TM9SF4: variants seen among roughly 807,000 people sequenced by gnomAD.
TM9SF4 encodes dinucleotide oxidase disulfide thiol exchanger 3 superfamily member 4.
A neutral mutation model predicts 90.4 loss-of-function variants in TM9SF4; 26 were observed. The ratio of observed to expected loss-of-function variants is 0.29; its 90% CI spans 0.21 to 0.40. TM9SF4 has a LOEUF of 0.40. Ranked by LOEUF, TM9SF4 falls within the 10% of genes least tolerant of loss-of-function variation. TM9SF4 has a pLI of 1.00. For missense variants in TM9SF4, 549 were observed against 834.8 expected (o/e 0.66, Z 4.22); for synonymous variants, 293 against 315.4 (o/e 0.93, Z 0.75).
chr20:32,146,678 C>T (rs1385648696), intron 8 of TM9SF4, 107 bp from the exon 9 acceptor site: 22 of 1,077,408 alleles, frequency 2.0e-5, no homozygotes, highest in African/African-American at 9.4e-5. Flanking sequence ...TGGAGCAAGC[C>T]GTGCATGCCA....
At chr20:32,129,248 T>C (rs2046473909) in intron 1 of TM9SF4, among the ~76,000 whole-genome samples, 1 of 152,130 alleles carries the variant, frequency 6.6e-6, no homozygotes, top group Non-Finnish European at 1.5e-5. Flanking sequence ...ATCTCAGCAC[T>C]TTGGGAGGCT....
rs1431402719 is a variant in TM9SF4 at position 32,155,190 on chromosome 20, A to G, written c.1329+4A>G. The G allele has an allele frequency of 6.2e-7, 1 of 1,613,418 alleles. No individual in the cohort carries two copies. Among genetic ancestry groups the G allele is most frequent in the Admixed American group, 1.7e-5 (1 of 60,022 alleles). ...GGGAAAGCACTCATCAGGAGCGGTA[A>G]GTGCCTCCCCTACCCTTCCAGCCCC... On this transcript the variant is annotated splice_donor_region_variant and intron_variant, in intron 13 of 17. Transcript: ENST00000398022.
intron 14 of TM9SF4, among the ~76,000 whole-genome samples, 170 bp from the exon 15 acceptor site, chr20:32,158,281 A>G (rs2122468567): frequency 6.6e-6 from 1 of 152,262 alleles, no homozygotes; most frequent in South Asian, 2.1e-4. Context: ...GAGGAGAATA[A>G]TGCCCACCCT....
chr20:32,155,483 C>A (rs934703408), intron 13 of TM9SF4, among the ~76,000 whole-genome samples: 4 of 152,232 alleles, frequency 2.6e-5, no homozygotes, highest in African/African-American at 9.6e-5. Context: ...TTTGTCTTAA[C>A]CAAGAGTGAG....
intron 2 of TM9SF4, among the ~76,000 whole-genome samples, chr20:32,135,651 C>T (rs1337221002): frequency 1.3e-5 from 2 of 152,132 alleles, no homozygotes; most frequent in African/African-American, 4.8e-5. Context: ...CAGAAAGGAG[C>T]AGTAGGTCAA....
chr20:32,122,479 A>T (rs1054074349), intron 1 of TM9SF4, among the ~76,000 whole-genome samples: 2 of 140,472 alleles, frequency 1.4e-5, no homozygotes, highest in Non-Finnish European at 3.1e-5. Flanking sequence ...GGGTCTCCTC[A>T]CTTCTCAGAC....
intron 12 of TM9SF4, among the ~76,000 whole-genome samples, chr20:32,152,945 A>G (rs1280283444): frequency 6.6e-6 from 1 of 152,206 alleles, no homozygotes; most frequent in East Asian, 1.9e-4. Context: ...CCAGTTAGTA[A>G]ATTTCAGCCA....
In TM9SF4 at chr20:32,123,866, A is replaced by ATATATATATATTT; in HGVS notation, c.16-9146_16-9145insATATATATATTTT. On this transcript the variant is annotated intron_variant, in intron 1 of 17. Coordinates refer to ENST00000398022, the MANE Select transcript of TM9SF4 (RefSeq NM_014742.4). Reference sequence around the variant, plus strand: ...CTCTCATATATATATATATATATATATTTTTTTTTTTAAAGAGATAGGGTC... The same window carrying ATATATATATATTT: ...CTCTCATATATATATATATATATATATATATATATATTTTTTTTTTTTTTAAAGAGATAGGGTC... Among the ~76,000 whole-genome samples the ATATATATATATTT allele has an allele frequency of 1.0e-3, 95 of 93,944 alleles. 2 individuals are homozygous for ATATATATATATTT. In the East Asian group the frequency reaches 0.013, roughly 12 times the overall value. The allele number at this position is 93,944 out of a possible 152,430, so 61.6% of individuals were successfully genotyped here.
At chr20:32,109,869 G>T (rs2046114313) in intron 1 of TM9SF4, 114 bp downstream of exon 1, 3 of 1,531,916 alleles carry the variant, frequency 2.0e-6, no homozygotes, top group South Asian at 2.4e-5. Context: ...CCTGACTCAG[G>T]CCTGAGGGCT....
At chr20:32,136,242 A>G (rs917855562) in intron 3 of TM9SF4, 69 bp downstream of exon 3, 10 of 1,418,518 alleles carry the variant, frequency 7.0e-6, no homozygotes, top group Non-Finnish European at 9.9e-6. Flanking sequence ...TTATAATGAT[A>G]ACAACAGTTA....
intron 17 of TM9SF4, among the ~76,000 whole-genome samples, chr20:32,164,098 T>C (rs1212850148): frequency 6.6e-6 from 1 of 152,140 alleles, no homozygotes; most frequent in Non-Finnish European, 1.5e-5. Context: ...CCAGCCCCAA[T>C]GCCTTATGTA....
chr20:32,130,361 T>G (rs577457942), intron 1 of TM9SF4, among the ~76,000 whole-genome samples: 2 of 152,234 alleles, frequency 1.3e-5, no homozygotes, highest in African/African-American at 4.8e-5. Flanking sequence ...TAACAACTTT[T>G]GGGTGGCTGT....
intron 8 of TM9SF4, 79 bp from the exon 9 acceptor site, chr20:32,146,706 C>T: frequency 7.0e-7 from 1 of 1,433,314 alleles, no homozygotes. Context: ...CACAGTAAAA[C>T]ATCATGTCTA....
At chr20:32,127,682 G>A (rs140934554) in intron 1 of TM9SF4, among the ~76,000 whole-genome samples, 8 of 152,264 alleles carry the variant, frequency 5.3e-5, no homozygotes, top group African/African-American at 1.9e-4. Flanking sequence ...TTTGAGACTG[G>A]AACAAAAGTG....
At chr20:32,151,935 C>T (rs1489114074) in intron 12 of TM9SF4, among the ~76,000 whole-genome samples, 2 of 151,690 alleles carry the variant, frequency 1.3e-5, no homozygotes, top group Non-Finnish European at 2.9e-5. Context: ...GATCTTGGCT[C>T]ACTGCAAGCT....
rs1357030001 is a variant in TM9SF4 at position 32,157,981 on chromosome 20, A to T, written c.1505+12A>T. The T allele has an allele frequency of 1.2e-6, 2 of 1,613,890 alleles. No homozygotes were observed. Among genetic ancestry groups the T allele is most frequent in the East Asian group, 2.2e-5 (1 of 44,868 alleles). ...AACCGATTTGTGGGGTGAGTCCTCC[A>T]GCAGAGGCAAGAGCAGGGGAACGTG... is the stretch of plus-strand genomic sequence containing the variant. On this transcript the variant is annotated intron_variant, in intron 14 of 17. Transcript: ENST00000398022.
At chr20:32,125,675 TTTTTTC>T (rs1157847571) in intron 1 of TM9SF4, among the ~76,000 whole-genome samples, 3 of 130,280 alleles carry the variant, frequency 2.3e-5, no homozygotes, top group Non-Finnish European at 3.1e-5. Context: ...GTGATTTCTC[TTTTTTC>T]TTTTTTTTTT....
In TM9SF4 at chr20:32,109,734, A is replaced by G. The variant is rs2046110388; in HGVS notation, c.-7A>G. 9.0e-6 allele frequency: 14 copies of G among 1,551,618 alleles called. No individual in the cohort carries two copies. Among genetic ancestry groups the G allele is most frequent in the Non-Finnish European group, 1.0e-5 (12 of 1,146,980 alleles). ...CTGACGTCATTACGGCGACACGTGG[A>G]TCCAAGATGGCGACGGCGATGGTGA... On this transcript the variant is annotated 5_prime_UTR_variant, in exon 1 of 18. Coordinates refer to ENST00000398022, the MANE Select transcript of TM9SF4 (RefSeq NM_014742.4).
chr20:32,139,149 G>A (rs1313554011), intron 3 of TM9SF4, among the ~76,000 whole-genome samples: 3 of 152,172 alleles, frequency 2.0e-5, no homozygotes, highest in East Asian at 1.9e-4. Flanking sequence ...TGCCAGGGCC[G>A]CTACTTTGCA....
Sources: allele counts gnomAD v4.1 joint callset (sites outside exome capture counted in the v4.1 genomes callset), GRCh38; gene constraint gnomAD v4.1.1; transcripts MANE v1.5; gene names NCBI Gene and HGNC (gene_info 2026-07-23, HGNC 2026-07-21).